The following FSTL4 variants were observed in gnomAD, a reference collection of about 807,000 sequenced individuals.
FSTL4 encodes the protein follistatin-related protein 4.
In FSTL4, 28 loss-of-function variants were observed where a neutral mutation model predicts 78.2. The ratio of observed to expected loss-of-function variants is 0.36; its 90% confidence interval spans 0.27 to 0.49. FSTL4 has a LOEUF of 0.49. FSTL4 is among the 20% of genes least tolerant of loss of function. The pLI is 0.98. For missense variants in FSTL4, 922 were observed against 1,084.9 expected (o/e 0.85, Z 2.11); for synonymous variants, 422 against 440.5 (o/e 0.96, Z 0.53).
At chr5:133,558,900 T>C (rs1363467425) in intron 3 of FSTL4, among the ~76,000 whole-genome samples, 2 of 151,528 alleles carry the variant, frequency 1.3e-5, no homozygotes, top group African/African-American at 4.9e-5. Context: ...GGAGAGAGAG[T>C]GTTGGCAGGT....
chr5:133,425,445 G>T (rs966119515), intron 3 of FSTL4, among the ~76,000 whole-genome samples: 1 of 152,206 alleles, frequency 6.6e-6, no homozygotes, highest in African/African-American at 2.4e-5. Context: ...CCCACAGCAG[G>T]AGTTGTGCTG....
At chr5:133,430,303 G>GCA (rs1580703711) in intron 3 of FSTL4, among the ~76,000 whole-genome samples, 1 of 152,210 alleles carries the variant, frequency 6.6e-6, no homozygotes, top group East Asian at 1.9e-4. Flanking sequence ...TCCAGTTTGA[G>GCA]TGGCCCTGTG....
chr5:133,778,063 C>T, the FSTL4 span, among the ~76,000 whole-genome samples: 1 of 152,196 alleles, frequency 6.6e-6, no homozygotes, highest in Non-Finnish European at 1.5e-5. Context: ...TCAGTGGGCC[C>T]CAAGGCTCTA....
At chr5:133,700,764 C>T in the FSTL4 span, among the ~76,000 whole-genome samples, 1 of 152,234 alleles carries the variant, frequency 6.6e-6, no homozygotes, top group African/African-American at 2.4e-5. Flanking sequence ...CAGGGGGTAA[C>T]ACATGACCTA....
chr5:133,634,044 G>A, the FSTL4 span, among the ~76,000 whole-genome samples: 4 of 152,134 alleles, frequency 2.6e-5, no homozygotes, highest in Non-Finnish European at 5.9e-5. Flanking sequence ...CAAGGGACAA[G>A]TAGTGGTGGT....
At chr5:133,775,844 C>T in the FSTL4 span, among the ~76,000 whole-genome samples, 100 of 152,312 alleles carry the variant, frequency 6.6e-4, no homozygotes, top group East Asian at 0.012. Context: ...TACAATCCCA[C>T]TCAAGGGTGA....
chr5:133,392,633 A>G (rs1755877858), intron 4 of FSTL4, among the ~76,000 whole-genome samples: 2 of 151,296 alleles, frequency 1.3e-5, no homozygotes, highest in Admixed American at 1.3e-4. Flanking sequence ...CTGCGGCCTG[A>G]CAGGGAAGAG....
the FSTL4 span, among the ~76,000 whole-genome samples, chr5:133,745,560 G>A: frequency 6.6e-6 from 1 of 152,320 alleles, no homozygotes; most frequent in South Asian, 2.1e-4. Flanking sequence ...AGTATAGCAG[G>A]TGGGCTGAAT....
At chr5:133,701,510 C>CACA in the FSTL4 span, among the ~76,000 whole-genome samples, 8 of 48,432 alleles carry the variant, frequency 1.7e-4, no homozygotes, top group African/African-American at 4.9e-4. Flanking sequence ...CACACACACA[C>CACA]CCCACAGGCC....
the FSTL4 span, among the ~76,000 whole-genome samples, chr5:133,677,359 T>C: frequency 6.6e-6 from 1 of 152,200 alleles, no homozygotes; most frequent in East Asian, 1.9e-4. Flanking sequence ...AGCCCCTGCA[T>C]GGATGTGGAT....
At chr5:133,712,016 C>T in the FSTL4 span, among the ~76,000 whole-genome samples, 3 of 152,270 alleles carry the variant, frequency 2.0e-5, no homozygotes, top group African/African-American at 2.4e-5. Context: ...CAAAATACCC[C>T]GCCCAGGGCT....
At chr5:133,645,576 A>T in the FSTL4 span, among the ~76,000 whole-genome samples, 140 of 152,232 alleles carry the variant, frequency 9.2e-4, 1 homozygote, top group African/African-American at 3.2e-3. Flanking sequence ...TCCCAGAAGG[A>T]TACATCCATG....
chr5:133,506,778 G>A (rs1228154118), intron 3 of FSTL4, among the ~76,000 whole-genome samples: 1 of 152,312 alleles, frequency 6.6e-6, no homozygotes, highest in East Asian at 1.9e-4. Context: ...TCAGATCAGT[G>A]CCTGGCAAAA....
At chr5:133,663,417 A>G in the FSTL4 span, among the ~76,000 whole-genome samples, 2 of 152,224 alleles carry the variant, frequency 1.3e-5, no homozygotes, top group South Asian at 4.1e-4. Context: ...TTTAAAATAA[A>G]TTTTTAAAAA....
At chr5:133,409,263 C>G (rs1302938856) in intron 3 of FSTL4, among the ~76,000 whole-genome samples, 1 of 152,188 alleles carries the variant, frequency 6.6e-6, no homozygotes, top group African/African-American at 2.4e-5. Context: ...ACCAGGGCCG[C>G]TGGCCTGCCA....
At chr5:133,794,896 G>C in the FSTL4 span, among the ~76,000 whole-genome samples, 1 of 152,154 alleles carries the variant, frequency 6.6e-6, no homozygotes, top group Non-Finnish European at 1.5e-5. Context: ...TCTCAAGGAA[G>C]CTCCACCTCT....
At chr5:133,276,377 C>G (rs1752884542) in intron 6 of FSTL4, among the ~76,000 whole-genome samples, 1 of 152,230 alleles carries the variant, frequency 6.6e-6, no homozygotes, top group African/African-American at 2.4e-5. Context: ...CCCGGAAGGT[C>G]TGTCCCGCCC....
intron 7 of FSTL4, among the ~76,000 whole-genome samples, chr5:133,238,460 T>C (rs1286975609): frequency 2.0e-5 from 3 of 152,200 alleles, no homozygotes; most frequent in African/African-American, 7.2e-5. Context: ...GCCTCGGTGA[T>C]GGCCATTCCT....
intron 3 of FSTL4, among the ~76,000 whole-genome samples, chr5:133,467,550 G>A (rs990621853): frequency 6.6e-6 from 1 of 152,234 alleles, no homozygotes; most frequent in Non-Finnish European, 1.5e-5. Flanking sequence ...CTGGGAGGAA[G>A]ACAGTGACCT....
Sources: gnomAD v4.1 joint callset for allele counts (sites outside exome capture counted in the v4.1 genomes callset) on GRCh38, gnomAD v4.1.1 for gene constraint, MANE v1.5 for transcripts, NCBI Gene and HGNC (gene_info 2026-07-23, HGNC 2026-07-21) for gene names.